DPH6: variants seen among roughly 807,000 people sequenced by gnomAD.
DPH6 encodes the protein diphthamine biosynthesis 6, also known as diphthine--ammonia ligase.
Under a neutral mutation model 38.2 loss-of-function variants are expected in DPH6, and 33 were observed. That is an observed-to-expected ratio of 0.86 (90% CI 0.65 to 1.15). DPH6 has a LOEUF of 1.15. Ranked by LOEUF, DPH6 falls within the 50% of genes most tolerant of loss-of-function variation. The probability of loss-of-function intolerance (pLI) is 0.00; values close to 1 mark genes in which losing one functional copy is unlikely to be tolerated. For missense variants in DPH6, 325 were observed against 320.0 expected, an observed-to-expected ratio of 1.02 and a Z score of -0.12; for synonymous variants, 108 against 103.0, an observed-to-expected ratio of 1.05 and a Z score of -0.30.
intron 3 of DPH6, among the ~76,000 whole-genome samples, chr15:35,505,762 G>A (rs937192201): frequency 1.3e-5 from 2 of 151,978 alleles, no homozygotes; most frequent in African/African-American, 4.8e-5. Context: ...AACAAAAGCA[G>A]GAGTCATCAG....
intron 7 of DPH6, among the ~76,000 whole-genome samples, chr15:35,379,617 A>G (rs1029267885): frequency 2.6e-5 from 4 of 152,216 alleles, no homozygotes; most frequent in Non-Finnish European, 4.4e-5. Flanking sequence ...TTTATTGTAT[A>G]TCAGGCAGGT....
intron 5 of DPH6, among the ~76,000 whole-genome samples, chr15:35,443,118 T>C (rs912048171): frequency 6.6e-6 from 1 of 152,134 alleles, no homozygotes. Context: ...GATAAAAAGA[T>C]CTCTTAAAAA....
chr15:35,243,517 C>T (rs1038028570), intron 3 of DPH6, among the ~76,000 whole-genome samples: 2 of 145,080 alleles, frequency 1.4e-5, no homozygotes, highest in African/African-American at 5.0e-5. Context: ...GGTCCTGCCC[C>T]GCCTTAACTG....
intron 3 of DPH6, among the ~76,000 whole-genome samples, chr15:35,348,782 G>T (rs1199090620): frequency 6.6e-6 from 1 of 151,900 alleles, no homozygotes; most frequent in Non-Finnish European, 1.5e-5. Flanking sequence ...CCATGATCAC[G>T]GGATGTCTTC....
chr15:35,434,867 A>G (rs2141041177), intron 5 of DPH6, among the ~76,000 whole-genome samples: 1 of 152,106 alleles, frequency 6.6e-6, no homozygotes, highest in East Asian at 1.9e-4. Context: ...TCCGGCTCCC[A>G]GGCTCAAGTG....
chr15:35,508,515 A>G (rs995436036), intron 3 of DPH6, among the ~76,000 whole-genome samples: 1 of 152,144 alleles, frequency 6.6e-6, no homozygotes, highest in African/African-American at 2.4e-5. Context: ...CTGATGTTTA[A>G]TGACTCTGGC....
At chr15:35,317,410 G>A (rs991361839) in intron 3 of DPH6, among the ~76,000 whole-genome samples, 1 of 143,708 alleles carries the variant, frequency 7.0e-6, no homozygotes, top group Non-Finnish European at 1.5e-5. Context: ...GAAAAAGAAA[G>A]AAAGAAAGAG....
the DPH6 span, among the ~76,000 whole-genome samples, chr15:35,186,231 C>T: frequency 6.6e-6 from 1 of 152,192 alleles, no homozygotes; most frequent in Non-Finnish European, 1.5e-5. Context: ...TGTAGCAACT[C>T]CTTTATATCT....
the DPH6 span, among the ~76,000 whole-genome samples, chr15:35,186,969 CA>C: frequency 5.9e-4 from 90 of 152,300 alleles, no homozygotes; most frequent in Non-Finnish European, 1.0e-3. Context: ...CTATTACAAT[CA>C]AGCTGTTCAT....
At chr15:35,162,865 AT>A in the DPH6 span, among the ~76,000 whole-genome samples, 7 of 151,884 alleles carry the variant, frequency 4.6e-5, no homozygotes, top group Non-Finnish European at 1.0e-4. Flanking sequence ...AAGGTCTAAA[AT>A]CTGATTTCAA....
At chr15:35,230,113 G>T (rs1287108426) in intron 3 of DPH6, among the ~76,000 whole-genome samples, 1 of 152,234 alleles carries the variant, frequency 6.6e-6, no homozygotes, top group African/African-American at 2.4e-5. Flanking sequence ...AGGGTGGCGA[G>T]TTCCCCTAGG....
chr15:35,444,171 G>A (rs1402922953), intron 5 of DPH6, among the ~76,000 whole-genome samples: 2 of 152,196 alleles, frequency 1.3e-5, no homozygotes, highest in Non-Finnish European at 2.9e-5. Context: ...CTAGGTTAGT[G>A]ACTAGAGATT....
intron 5 of DPH6, among the ~76,000 whole-genome samples, chr15:35,431,397 G>C (rs1220204026): frequency 6.6e-6 from 1 of 152,124 alleles, no homozygotes; most frequent in East Asian, 1.9e-4. Context: ...CTGGGGTGAA[G>C]TGAATTCTCC....
chr15:35,403,520 TA>T (rs1415120299), intron 6 of DPH6, among the ~76,000 whole-genome samples: 2 of 152,124 alleles, frequency 1.3e-5, no homozygotes, highest in Admixed American at 1.3e-4. Context: ...TCTTTATTTT[TA>T]TTTTTTTGAG....
chr15:35,394,998 T>C (rs1334804206), intron 6 of DPH6, among the ~76,000 whole-genome samples: 9 of 131,768 alleles, frequency 6.8e-5, no homozygotes, highest in Non-Finnish European at 1.4e-4. Context: ...TCAATTGTGC[T>C]CCATCTGATA....
intron 7 of DPH6, among the ~76,000 whole-genome samples, chr15:35,377,036 T>C (rs1053265416): frequency 6.6e-6 from 1 of 152,148 alleles, no homozygotes; most frequent in African/African-American, 2.4e-5. Context: ...ATATGATATC[T>C]CTACCATAAT....
At chr15:35,336,128 T>A (rs2052369795) in intron 3 of DPH6, among the ~76,000 whole-genome samples, 1 of 152,214 alleles carries the variant, frequency 6.6e-6, no homozygotes, top group African/African-American at 2.4e-5. Context: ...TATTTTATTC[T>A]TTTTGTAGCA....
chr15:35,355,745 T>C (rs1361693107), intron 3 of DPH6, among the ~76,000 whole-genome samples: 1 of 152,164 alleles, frequency 6.6e-6, no homozygotes, highest in East Asian at 1.9e-4. Flanking sequence ...CTTTGGTGAG[T>C]CTGACGATTA....
chr15:35,505,940 A>C (rs1462714834), intron 3 of DPH6, among the ~76,000 whole-genome samples: 1 of 152,126 alleles, frequency 6.6e-6, no homozygotes, highest in Non-Finnish European at 1.5e-5. Context: ...TACACTTGTC[A>C]GTATTTTAAA....
Sources: gnomAD v4.1 joint callset for allele counts (sites outside exome capture counted in the v4.1 genomes callset) on GRCh38, gnomAD v4.1.1 for gene constraint, MANE v1.5 for transcripts, NCBI Gene and HGNC (gene_info 2026-07-23, HGNC 2026-07-21) for gene names.